Variants in ADGRL2 observed in about 807,000 individuals in gnomAD.
ADGRL2 encodes adhesion G protein-coupled receptor L2, also known as calcium-independent alpha-latrotoxin receptor 2.
In ADGRL2, 44 loss-of-function variants were observed where a neutral mutation model predicts 157.4. The ratio of observed to expected loss-of-function variants is 0.28; its 90% CI spans 0.22 to 0.36. ADGRL2 has a LOEUF of 0.36. ADGRL2 is among the 10% of genes least tolerant of loss of function. The pLI, the probability that ADGRL2 is intolerant of heterozygous loss-of-function variation, is 1.00. For synonymous variants in ADGRL2, 585 were observed against 624.7 expected (o/e 0.94, Z 0.95); for missense variants, 1,510 against 1,768.9 (o/e 0.85, Z 2.63).
intron 2 of ADGRL2, among the ~76,000 whole-genome samples, chr1:81,874,918 G>A (rs1197990358): frequency 6.6e-6 from 1 of 151,998 alleles, no homozygotes; most frequent in East Asian, 1.9e-4. Flanking sequence ...CATTGGCCAG[G>A]CTGGTCTCAA....
At chr1:81,511,400 GCA>G (rs149522214) in intron 2 of ADGRL2, among the ~76,000 whole-genome samples, 1,431 of 126,974 alleles carry the variant, frequency 0.011, 34 homozygotes, top group African/African-American at 0.038. Flanking sequence ...AAAAAAGCGC[GCA>G]CACACACACA....
chr1:81,662,787 TCTC>T (rs1343144791), intron 3 of ADGRL2, among the ~76,000 whole-genome samples: 12 of 147,712 alleles, frequency 8.1e-5, no homozygotes, highest in African/African-American at 2.5e-4. Context: ...GAACTCCTGA[TCTC>T]CTGATCCACT....
chr1:81,402,794 T>C (rs906849686), intron 1 of ADGRL2, among the ~76,000 whole-genome samples: 5 of 152,192 alleles, frequency 3.3e-5, no homozygotes, highest in Admixed American at 6.5e-5. Context: ...GCCATGCATG[T>C]GCACCAGTCT....
At chr1:81,417,680 T>C (rs2077055698) in intron 1 of ADGRL2, among the ~76,000 whole-genome samples, 1 of 152,188 alleles carries the variant, frequency 6.6e-6, no homozygotes. Context: ...CACAGAAACA[T>C]TGGCTTGTTA....
chr1:81,778,710 A>T (rs2086696718), intron 2 of ADGRL2, among the ~76,000 whole-genome samples: 1 of 152,156 alleles, frequency 6.6e-6, no homozygotes, highest in Admixed American at 6.6e-5. Flanking sequence ...TTTCAAAGGT[A>T]ATCATTTGAA....
intron 3 of ADGRL2, among the ~76,000 whole-genome samples, chr1:81,931,354 T>C (rs951594546): frequency 6.6e-6 from 1 of 152,330 alleles, no homozygotes; most frequent in South Asian, 2.1e-4. Context: ...TTTATTTTAG[T>C]TATATTTGGA....
At chr1:81,428,983 A>T (rs1215437403) in intron 1 of ADGRL2, among the ~76,000 whole-genome samples, 4 of 152,138 alleles carry the variant, frequency 2.6e-5, no homozygotes, top group African/African-American at 9.7e-5. Context: ...AGCCACCACG[A>T]TGTTCTGAGC....
chr1:81,387,144 G>A lies in ADGRL2; in HGVS notation c.-301-57892G>A, dbSNP rs1249998421. ...AGAAGTTACCTACTCTACAGAAGAC[G>A]GTAGTGTTGGCAAAGCCAGTCAGGG... On this transcript the variant is annotated intron_variant, in intron 1 of 24. Coordinates refer to the ADGRL2 transcript ENST00000370721. Among the ~76,000 whole-genome samples, 3 of 152,106 alleles carry A rather than the reference G, an allele frequency of 2.0e-5. No homozygotes were observed. The East Asian group carries it at 5.8e-4, about 29-fold the overall frequency.
intron 2 of ADGRL2, among the ~76,000 whole-genome samples, chr1:81,536,922 T>C (rs1194576187): frequency 6.6e-6 from 1 of 152,216 alleles, no homozygotes; most frequent in East Asian, 1.9e-4. Context: ...AATCACAACA[T>C]ACTTATGTAA....
intron 3 of ADGRL2, among the ~76,000 whole-genome samples, chr1:81,914,016 A>C (rs1263469127): frequency 2.0e-5 from 3 of 151,668 alleles, no homozygotes; most frequent in African/African-American, 4.8e-5. Context: ...ACACACACAC[A>C]CCCCTTTACT....
At chr1:81,752,357 A>G (rs1253664132) in intron 1 of ADGRL2, among the ~76,000 whole-genome samples, 1 of 152,196 alleles carries the variant, frequency 6.6e-6, no homozygotes, top group African/African-American at 2.4e-5. Context: ...TAGCAGCCCA[A>G]ATAGATTAAG....
intron 1 of ADGRL2, among the ~76,000 whole-genome samples, chr1:81,346,047 A>G (rs555654329): frequency 6.6e-6 from 1 of 152,290 alleles, no homozygotes; most frequent in South Asian, 2.1e-4. Flanking sequence ...CCTTTCCATA[A>G]CAGTATCCAC....
At chr1:81,566,669 G>A (rs1400111817) in intron 2 of ADGRL2, among the ~76,000 whole-genome samples, 1 of 152,020 alleles carries the variant, frequency 6.6e-6, no homozygotes, top group Non-Finnish European at 1.5e-5. Context: ...TCTGCTCCAG[G>A]CAAATATGAA....
intron 2 of ADGRL2, among the ~76,000 whole-genome samples, chr1:81,875,280 A>G (rs1308095025): frequency 1.3e-5 from 2 of 152,142 alleles, no homozygotes; most frequent in African/African-American, 4.8e-5. Context: ...CACTTCCCTA[A>G]TAATACTTGT....
intron 1 of ADGRL2, among the ~76,000 whole-genome samples, chr1:81,387,422 A>T (rs2076457252): frequency 6.6e-6 from 1 of 152,090 alleles, no homozygotes; most frequent in African/African-American, 2.4e-5. Context: ...TAATCATTTT[A>T]TTTTCTATAT....
rs774839208 is a variant in ADGRL2 at position 81,966,531 on chromosome 1, C to T, written c.2271C>T (p.Val757=). 6.2e-7 allele frequency: 1 copy of T among 1,614,018 alleles called. No individual in the cohort carries two copies. The highest frequency in any genetic ancestry group is 8.5e-7 in the Non-Finnish European group (1 of 1,179,926). The part of the protein sequence containing the change: ...RNSTIAVNSH[V]ISVSINKESS... ...GCACCATTGCAGTGAACTCTCACGT[C>T]ATTTCAGTTTCAATCAATAAAGAGT... Residue 757 remains valine, a synonymous_variant, in exon 13 of 24, where the codon GTC becomes GTT. Transcript: ENST00000686636.
intron 2 of ADGRL2, among the ~76,000 whole-genome samples, chr1:81,483,886 G>A (rs1360638900): frequency 1.3e-5 from 2 of 152,130 alleles, no homozygotes; most frequent in Non-Finnish European, 2.9e-5. Context: ...CCTAAATCAT[G>A]GTGTCTGACT....
chr1:81,520,960 C>T (rs979604257), intron 2 of ADGRL2, among the ~76,000 whole-genome samples: 4 of 152,150 alleles, frequency 2.6e-5, no homozygotes, highest in African/African-American at 9.7e-5. Context: ...TTCTAGCCAA[C>T]AGAAAGGAGG....
rs146039373 is a variant in ADGRL2, at chr1:81,548,680, A to AT, written c.-247-32191dup. 2.0e-3 allele frequency among the ~76,000 whole-genome samples: 297 copies of AT among 152,050 alleles called. 2 individuals are homozygous for AT. The highest frequency in any genetic ancestry group is 7.0e-3 in the African/African-American group (292 of 41,488). ...GACATAATTGTATTCCAAGGTTTTT[A>AT]TTTTTCCCCAAGGATTCAGGTTAAA... On this transcript the variant is annotated intron_variant, in intron 2 of 24. Coordinates refer to the ADGRL2 transcript ENST00000370721.
Sources: allele counts gnomAD v4.1 joint callset (sites outside exome capture counted in the v4.1 genomes callset), GRCh38; gene constraint gnomAD v4.1.1; transcripts MANE v1.5; gene names NCBI Gene and HGNC (gene_info 2026-07-23, HGNC 2026-07-21).